Variants in WWOX observed in about 807,000 individuals in gnomAD.
WWOX encodes the protein WW domain containing oxidoreductase.
WWOX carries 69 observed loss-of-function variants against 46.2 expected under a neutral mutation model. The ratio of observed to expected loss-of-function variants is 1.49; its 90% CI spans 1.23 to 1.82. The LOEUF is 1.82. Ranked by LOEUF, WWOX falls within the 40% of genes most tolerant of loss-of-function variation. WWOX has a pLI of 0.00. For synonymous variants in WWOX, 359 were observed against 202.6 expected (o/e 1.77, Z -6.56); for missense variants, 919 against 542.6 (o/e 1.69, Z -6.89).
At chr16:78,359,879 A>G (rs945944339) in intron 5 of WWOX, among the ~76,000 whole-genome samples, 2 of 152,226 alleles carry the variant, frequency 1.3e-5, no homozygotes, top group African/African-American at 4.8e-5. Context: ...CAGCAAAAAC[A>G]TGAGGAATGA....
At chr16:79,023,684 C>T (rs1423354960) in intron 8 of WWOX, among the ~76,000 whole-genome samples, 1 of 151,988 alleles carries the variant, frequency 6.6e-6, no homozygotes, top group African/African-American at 2.4e-5. Context: ...CTTTGGGAGG[C>T]TGAGGCAGGT....
intron 8 of WWOX, among the ~76,000 whole-genome samples, chr16:79,032,189 C>T (rs1467378842): frequency 6.9e-6 from 1 of 144,460 alleles, no homozygotes. Flanking sequence ...TTGCCCCCAC[C>T]AAATATTTAT....
rs1441989682 is a variant in WWOX, at chr16:78,750,518, C to T, written c.1056+317766C>T. Among the ~76,000 whole-genome samples, 4 of 151,970 alleles carry T rather than the reference C, an allele frequency of 2.6e-5. No individual in the cohort carries two copies. In the South Asian group the frequency reaches 8.3e-4, roughly 32 times the overall value. ...TTTTTTGTTTCAGTTTCGGGGGGTA[C>T]ATGTGTAGGTCTGTTACATGGATAT... On this transcript the variant is annotated intron_variant, in intron 8 of 8. Coordinates refer to ENST00000566780, the MANE Select transcript of WWOX (RefSeq NM_016373.4).
At chr16:78,796,557 C>T (rs962890267) in intron 8 of WWOX, among the ~76,000 whole-genome samples, 1 of 152,230 alleles carries the variant, frequency 6.6e-6, no homozygotes, top group African/African-American at 2.4e-5. Flanking sequence ...GGCTTGCTTT[C>T]TATTGTAGAT....
At chr16:78,612,773 A>C (rs562826503) in intron 8 of WWOX, among the ~76,000 whole-genome samples, 2 of 152,258 alleles carry the variant, frequency 1.3e-5, no homozygotes, top group East Asian at 1.9e-4. Flanking sequence ...CACCCCACCC[A>C]GCCCATGTTA....
In WWOX at chr16:78,144,448, C is replaced by CGTAT. The variant is rs71380475; in HGVS notation, c.410-19735_410-19734insGTAT. On this transcript the variant is annotated intron_variant, in intron 4 of 8. Coordinates refer to ENST00000566780, the MANE Select transcript of WWOX (RefSeq NM_016373.4). ...CCATTACTATATATATATATATATA[C>CGTAT]ACATATATATATATACACACATATA... is the stretch of plus-strand genomic sequence containing the variant. Among the ~76,000 whole-genome samples the CGTAT allele has an allele frequency of 4.0e-3, 71 of 17,576 alleles. 16 individuals carry two copies. The highest frequency in any genetic ancestry group is 6.8e-3 in the Non-Finnish European group (57 of 8,338). 11.5% of individuals were successfully genotyped at this position (17,576 alleles called of 152,430 possible).
intron 8 of WWOX, among the ~76,000 whole-genome samples, chr16:78,695,558 C>G (rs1003038379): frequency 6.6e-6 from 1 of 152,076 alleles, no homozygotes; most frequent in Admixed American, 6.5e-5. Context: ...TATGGTCTGC[C>G]AAGGAGAGTT....
chr16:78,966,980 A>G (rs1374475654), intron 8 of WWOX, among the ~76,000 whole-genome samples: 1 of 152,186 alleles, frequency 6.6e-6, no homozygotes, highest in Non-Finnish European at 1.5e-5. Flanking sequence ...TTTCTTATTA[A>G]CATTTATTAT....
chr16:78,845,305 C>T (rs771586399), intron 8 of WWOX, among the ~76,000 whole-genome samples: 1 of 152,010 alleles, frequency 6.6e-6, no homozygotes, highest in Non-Finnish European at 1.5e-5. Flanking sequence ...GGGTGAAGAC[C>T]AACAAGGTTT....
At chr16:78,631,693 C>G (rs925263449) in intron 8 of WWOX, among the ~76,000 whole-genome samples, 1 of 151,944 alleles carries the variant, frequency 6.6e-6, no homozygotes. Flanking sequence ...TGCCACCGTG[C>G]CTGGCTATTT....
intron 8 of WWOX, among the ~76,000 whole-genome samples, chr16:78,671,593 C>T (rs1371612735): frequency 2.0e-5 from 3 of 152,044 alleles, no homozygotes; most frequent in Non-Finnish European, 4.4e-5. Context: ...ACTCTCAGAG[C>T]CCTGATTTTC....
At chr16:78,209,017 C>G (rs1174720379) in intron 5 of WWOX, among the ~76,000 whole-genome samples, 1 of 151,900 alleles carries the variant, frequency 6.6e-6, no homozygotes. Flanking sequence ...TTGTCAATTC[C>G]TATTGGGAAT....
chr16:78,259,110 A>T (rs1448857651), intron 5 of WWOX, among the ~76,000 whole-genome samples: 1 of 152,220 alleles, frequency 6.6e-6, no homozygotes, highest in African/African-American at 2.4e-5. Context: ...TTTGAGTTAG[A>T]AATAGAGTTT....
At chr16:78,364,916 G>A (rs989879242) in intron 5 of WWOX, among the ~76,000 whole-genome samples, 1 of 151,986 alleles carries the variant, frequency 6.6e-6, no homozygotes, top group Non-Finnish European at 1.5e-5. Flanking sequence ...CTAGGTACCT[G>A]GAATTTCATT....
intron 8 of WWOX, among the ~76,000 whole-genome samples, chr16:79,002,412 C>T (rs2047111514): frequency 6.6e-6 from 1 of 151,816 alleles, no homozygotes; most frequent in Admixed American, 6.6e-5. Context: ...TTAGTAGAGA[C>T]AGGGTTTTGA....
At chr16:78,763,958 C>T (rs912444253) in intron 8 of WWOX, among the ~76,000 whole-genome samples, 14 of 152,196 alleles carry the variant, frequency 9.2e-5, no homozygotes, top group Non-Finnish European at 1.3e-4. Flanking sequence ...GCCCCACTCT[C>T]CCTCTGCCCC....
intron 8 of WWOX, among the ~76,000 whole-genome samples, chr16:78,467,761 G>C (rs966673475): frequency 6.6e-6 from 1 of 152,198 alleles, no homozygotes; most frequent in Non-Finnish European, 1.5e-5. Flanking sequence ...GCTTGAATTA[G>C]ACATTATAGC....
chr16:79,003,701 G>A (rs1297993814), intron 8 of WWOX, among the ~76,000 whole-genome samples: 1 of 152,174 alleles, frequency 6.6e-6, no homozygotes, highest in Admixed American at 6.5e-5. Context: ...CTCCAGCACC[G>A]TGGTCTCAGG....
chr16:78,770,595 G>A (rs1370911061), intron 8 of WWOX, among the ~76,000 whole-genome samples: 1 of 152,178 alleles, frequency 6.6e-6, no homozygotes, highest in Admixed American at 6.5e-5. Context: ...TCTGTGGGAG[G>A]TGCCTACCAA....
Sources: allele counts gnomAD v4.1 joint callset (sites outside exome capture counted in the v4.1 genomes callset), GRCh38; gene constraint gnomAD v4.1.1; transcripts MANE v1.5; gene names NCBI Gene and HGNC (gene_info 2026-07-23, HGNC 2026-07-21).